DEPDC1: variants seen among roughly 807,000 people sequenced by gnomAD.
DEPDC1 encodes DEP domain containing 1, also known as DEP domain-containing protein 1A.
DEPDC1 carries 66 observed loss-of-function variants against 86.8 expected under a neutral mutation model. The observed-to-expected ratio is 0.76, with a 90% CI of 0.62 to 0.93. DEPDC1 has a LOEUF of 0.93. Ranked by LOEUF, DEPDC1 falls within the 40% of genes least tolerant of loss-of-function variation. DEPDC1 has a pLI of 0.00. For missense variants in DEPDC1, 792 were observed against 935.7 expected, an observed-to-expected ratio of 0.85 and a Z score of 2.00; for synonymous variants, 255 against 314.9, an observed-to-expected ratio of 0.81 and a Z score of 2.02.
chr1:68,482,813 T>G lies in DEPDC1; in HGVS notation c.995A>C (p.His332Pro), dbSNP rs1340626714. Residue 332 changes from histidine (H) to proline (P), a missense_variant, in exon 8 of 12, where the codon CAC (histidine) becomes CCC (proline). Physicochemically the swap from His to Pro is moderately conservative, Grantham distance 77. Transcript: ENST00000456315. ...TTTGAAGGAATTCAAATTGTTTAAG[T>G]GAAGGAATTTTGAAGACTGTGGATC... ...QDDPQSSKFL[H>P]LNNLNSFKST... 6.2e-7 allele frequency: 1 copy of G among 1,612,232 alleles called. No individual in the cohort carries two copies. The highest frequency in any genetic ancestry group is 1.1e-5 in the South Asian group (1 of 90,896).
chr1:68,482,213 A>G lies in DEPDC1; in HGVS notation c.1595T>C (p.Ile532Thr). The G allele has an allele frequency of 6.2e-7, 1 of 1,612,866 alleles. No individual in the cohort carries two copies. Among genetic ancestry groups the G allele is most frequent in the South Asian group, 1.1e-5 (1 of 91,048 alleles). Residue 532 changes from isoleucine (I) to threonine (T), a missense_variant, in exon 8 of 12, where the codon ATT (isoleucine) becomes ACT (threonine). Physicochemically the swap from Ile to Thr is moderately conservative, Grantham distance 89. Coordinates refer to ENST00000456315, the MANE Select transcript of DEPDC1 (RefSeq NM_001114120.3). Reference sequence around the variant, plus strand: ...TTGTCCAACATTTGGTTTCATGATAATTTCAGCCACTGGTGTATTGATATA... The same window carrying G: ...TTGTCCAACATTTGGTTTCATGATAGTTTCAGCCACTGGTGTATTGATATA... ...NSYINTPVAE[I>T]IMKPNVGQGS...
At chr1:68,487,232 A>G (rs1261602555) in intron 5 of DEPDC1, among the ~76,000 whole-genome samples, 1 of 152,032 alleles carries the variant, frequency 6.6e-6, no homozygotes, top group African/African-American at 2.4e-5. Flanking sequence ...CATATTACAC[A>G]TAACAATTAA....
At chr1:68,481,731 AT>A in intron 8 of DEPDC1, 119 bp from the exon 9 acceptor site, 1 of 823,738 alleles carries the variant, frequency 1.2e-6, no homozygotes, top group Non-Finnish European at 1.8e-6. Flanking sequence ...TCTTTTAACT[AT>A]TTCTAGAAAT....
rs368309505 is a variant in DEPDC1, at chr1:68,488,327, C to T, written c.721+47G>A. 6 of 1,535,672 alleles carry T rather than the reference C, an allele frequency of 3.9e-6. No individual in the cohort carries two copies. In the African/African-American group the frequency reaches 7.1e-5, roughly 18 times the overall value. ...TCTCTTTACACTACTATAGCTGCAA[C>T]CTTGTTGGCAAGTTTTTAAAAGTCC... On this transcript the variant is annotated intron_variant, in intron 5 of 11. Transcript: ENST00000456315.
Position 68,477,079 on chromosome 1 carries a change from G to C in DEPDC1, c.2299-10C>G, listed in dbSNP as rs767901490. 1.9e-6 allele frequency: 3 copies of C among 1,587,100 alleles called. No individual in the cohort carries two copies. Among genetic ancestry groups the C allele is most frequent in the Non-Finnish European group, 2.6e-6 (3 of 1,165,524 alleles). On this transcript the variant is annotated splice_polypyrimidine_tract_variant and intron_variant, in intron 11 of 11. Transcript: ENST00000456315. ...GATATTCCTTCTGAAACTTAAAAAT[G>C]AGGTGAGAAATTAGAAGGTATTTAA...
chr1:68,480,391 A>T (rs145785888), intron 9 of DEPDC1, among the ~76,000 whole-genome samples: 225 of 152,066 alleles, frequency 1.5e-3, no homozygotes, highest in African/African-American at 5.1e-3. Flanking sequence ...ATTCCTACAC[A>T]TCACTCGGGG....
chr1:68,495,589 T>G (rs1261044647), intron 1 of DEPDC1, among the ~76,000 whole-genome samples: 1 of 152,102 alleles, frequency 6.6e-6, no homozygotes, highest in Non-Finnish European at 1.5e-5. Flanking sequence ...GAGGACACAG[T>G]AATAAAAATG....
chr1:68,492,172 C>G (rs953388274), intron 2 of DEPDC1, among the ~76,000 whole-genome samples: 1 of 152,116 alleles, frequency 6.6e-6, no homozygotes, highest in African/African-American at 2.4e-5. Flanking sequence ...ATTTTAGAAT[C>G]TGCTTATCAA....
chr1:68,484,662 ACT>A (rs1224434198), intron 6 of DEPDC1, among the ~76,000 whole-genome samples: 7 of 152,078 alleles, frequency 4.6e-5, no homozygotes, highest in Admixed American at 3.9e-4. Context: ...GATGAAAAAG[ACT>A]CTGGTAGCAA....
rs547366217 is a variant in DEPDC1 at position 68,496,835 on chromosome 1, G to A, written c.48+117C>T. 2 of 1,003,584 alleles carry A rather than the reference G, an allele frequency of 2.0e-6. No homozygotes were observed. Among genetic ancestry groups the A allele is most frequent in the East Asian group, 2.6e-5 (1 of 38,470 alleles). The allele number at this position is 1,003,584 out of a possible 1,614,324, so 62.2% of individuals were successfully genotyped here. A position where few individuals can be genotyped will look rare whatever the true frequency, so the allele number is the denominator to read the frequency against. On this transcript the variant is annotated intron_variant, in intron 1 of 11. Coordinates refer to ENST00000456315, the MANE Select transcript of DEPDC1 (RefSeq NM_001114120.3). The surrounding 1 kb of genome is among the most constrained non-coding windows in gnomAD (Gnocchi z 4.0). ...CGCCAGCCTTTTCACTGAACCTAGG[G>A]ATCCTGGGACTCATCCCTCCGACCG...
chr1:68,486,882 A>ACT, intron 6 of DEPDC1, 55 bp downstream of exon 6: 2 of 53,450 alleles, frequency 3.7e-5, no homozygotes, highest in Non-Finnish European at 6.2e-5. Context: ...TATCAATATA[A>ACT]CACACACACA....
rs773546148 is a variant in DEPDC1 at position 68,482,296 on chromosome 1, T to G, written c.1512A>C (p.Ser504=). 1.2e-6 allele frequency: 2 copies of G among 1,612,814 alleles called. No individual in the cohort carries two copies. Among genetic ancestry groups the G allele is most frequent in the African/African-American group, 1.3e-5 (1 of 74,874 alleles). Residue 504 remains serine (S), a synonymous_variant, in exon 8 of 12, where the codon TCA becomes TCC. Coordinates refer to ENST00000456315, the MANE Select transcript of DEPDC1 (RefSeq NM_001114120.3). The part of the protein sequence containing the change: ...QEELCNGKCK[S]KQLCRSQSLL... ...AACTCTGAGACCTACAAAGCTGTTT[T>G]GACTTGCATTTCCCATTACACAACT...
rs1375481304 is a variant in DEPDC1 at position 68,496,975 on chromosome 1, C to T, written c.25G>A (p.Gly9Arg). Residue 9 changes from glycine (G) to arginine (R), a missense_variant, in exon 1 of 12, where the codon GGG (glycine) becomes AGG (arginine). Transcript: ENST00000456315. This position sits in a 1 kb window ranked among gnomAD's most constrained non-coding sequence, Gnocchi z 4.0. MESQGVPPGPYRATKLWNE... is the reference protein window; with the variant it reads MESQGVPPRPYRATKLWNE... Reference sequence around the variant, plus strand: ...ACCAGCTTGGTGGCCCGATAAGGCCCGGGAGGCACACCCTGACTCTCCATA... The same window carrying T: ...ACCAGCTTGGTGGCCCGATAAGGCCTGGGAGGCACACCCTGACTCTCCATA... 3 of 1,613,228 alleles carry T rather than the reference C, an allele frequency of 1.9e-6. No homozygotes were observed. The highest frequency in any genetic ancestry group is 1.3e-5 in the African/African-American group (1 of 74,854).
rs377757010 is a variant in DEPDC1 at position 68,476,885 on chromosome 1, C to A, written c.*47G>T. 2 of 1,443,956 alleles carry A rather than the reference C, an allele frequency of 1.4e-6. No homozygotes were observed. The highest frequency in any genetic ancestry group is 2.9e-5 in the African/African-American group (2 of 69,716). 89.4% of individuals were successfully genotyped at this position (1,443,956 alleles called of 1,614,324 possible). A position where few individuals can be genotyped will look rare whatever the true frequency, so the allele number is the denominator to read the frequency against. On this transcript the variant is annotated 3_prime_UTR_variant, in exon 12 of 12. Coordinates refer to ENST00000456315, the MANE Select transcript of DEPDC1 (RefSeq NM_001114120.3). ...GTAGCTACATTCTCAGATATGGCTT[C>A]ATTTATCAAAGTTCCACAAGTATTA...
Position 68,481,600 on chromosome 1 carries a change from G to A in DEPDC1, c.1775C>T (p.Pro592Leu). The change falls in exon 9 of 12, where the codon CCT becomes CTT. Residue 592 changes from proline (P) to leucine (L), a missense_variant. Pro to Leu is a moderately conservative substitution (Grantham distance 98). Transcript: ENST00000456315. Reference sequence around the variant, plus strand: ...ATCGATGGCAACCCTCTCTAAATGAGGTTGCAGCAAGCCTAGAATACAAAA... The same window carrying A: ...ATCGATGGCAACCCTCTCTAAATGAAGTTGCAGCAAGCCTAGAATACAAAA... ...MLTGTQSLLQ[P>L]HLERVAIDAL... 6.3e-7 allele frequency: 1 copy of A among 1,591,436 alleles called. No homozygotes were observed. Among genetic ancestry groups the A allele is most frequent in the Non-Finnish European group, 8.5e-7 (1 of 1,169,622 alleles).
intron 11 of DEPDC1, among the ~76,000 whole-genome samples, chr1:68,477,319 T>A (rs1024638607): frequency 6.6e-6 from 1 of 151,732 alleles, no homozygotes; most frequent in Non-Finnish European, 1.5e-5. Flanking sequence ...ATTCCAGATC[T>A]TCTTTCCCAC....
At chr1:68,485,368 G>T (rs1340184258) in intron 6 of DEPDC1, among the ~76,000 whole-genome samples, 1 of 151,958 alleles carries the variant, frequency 6.6e-6, no homozygotes, top group Non-Finnish European at 1.5e-5. Flanking sequence ...TAGCTCATTT[G>T]CACTAAAAGA....
intron 8 of DEPDC1, 21 bp downstream of exon 8, chr1:68,482,025 C>A: frequency 6.5e-7 from 1 of 1,543,774 alleles, no homozygotes; most frequent in South Asian, 1.3e-5. Flanking sequence ...ATATTGCATG[C>A]ATTGAAAGCA....
At chr1:68,483,437 G>A (rs766706264) in intron 7 of DEPDC1, 5 of 431,088 alleles carry the variant, frequency 1.2e-5, no homozygotes, top group Non-Finnish European at 2.2e-5. Flanking sequence ...AGGAGAAAGG[G>A]GCTAGAGATT....
Sources: allele counts gnomAD v4.1 joint callset (sites outside exome capture counted in the v4.1 genomes callset), GRCh38; gene constraint gnomAD v4.1.1; non-coding constraint Gnocchi (gnomAD v3.1); transcripts MANE v1.5; gene names NCBI Gene and HGNC (gene_info 2026-07-23, HGNC 2026-07-21).